Variants in GBE1 observed in about 807,000 individuals in gnomAD.
GBE1 encodes the protein 1,4-alpha-glucan-branching enzyme.
In GBE1, 70 loss-of-function variants were observed where a neutral mutation model predicts 88.8. That is an observed-to-expected ratio of 0.79 (90% CI 0.65 to 0.96). The LOEUF (loss-of-function observed/expected upper bound fraction) is 0.96. Ranked by LOEUF, GBE1 falls within the 40% of genes least tolerant of loss-of-function variation. GBE1 has a pLI of 0.00. For synonymous variants in GBE1, 284 were observed against 300.1 expected, an observed-to-expected ratio of 0.95 and a Z score of 0.56; for missense variants, 872 against 871.0, an observed-to-expected ratio of 1.00 and a Z score of -0.01.
intron 7 of GBE1, among the ~76,000 whole-genome samples, chr3:81,634,514 T>G (rs1704564249): frequency 6.6e-6 from 1 of 152,214 alleles, no homozygotes; most frequent in South Asian, 2.1e-4. Context: ...CTTCACTGTT[T>G]TCAGTACTAA....
chr3:81,526,210 C>A (rs934907470), intron 14 of GBE1, among the ~76,000 whole-genome samples: 16 of 151,948 alleles, frequency 1.1e-4, no homozygotes, highest in Non-Finnish European at 2.2e-4. Flanking sequence ...TGAATGTGTC[C>A]CACAGATTCT....
At chr3:81,662,252 A>C (rs1705042733) in intron 3 of GBE1, among the ~76,000 whole-genome samples, 1 of 152,028 alleles carries the variant, frequency 6.6e-6, no homozygotes, top group African/African-American at 2.4e-5. Context: ...GGCTGATCTC[A>C]AACTCCCCAC....
chr3:81,510,198 G>A (rs1702706452), intron 14 of GBE1, among the ~76,000 whole-genome samples: 1 of 152,000 alleles, frequency 6.6e-6, no homozygotes. Context: ...ATGCTCTTAG[G>A]TATAACAGTT....
At chr3:81,569,755 C>T (rs971085437) in intron 12 of GBE1, among the ~76,000 whole-genome samples, 2 of 152,190 alleles carry the variant, frequency 1.3e-5, no homozygotes, top group African/African-American at 4.8e-5. Context: ...AACTGAAAAA[C>T]TGTTTCAAAC....
Position 81,500,850 on chromosome 3 carries a change from T to C in GBE1, c.1935-1623A>G, listed in dbSNP as rs563674582. ...AAATGCAGATTATATTGTTCCCTTC[T>C]TTGTGTCCATGTTACTCAATGTTTA... On this transcript the variant is annotated intron_variant, in intron 14 of 15. Coordinates refer to ENST00000429644, the MANE Select transcript of GBE1 (RefSeq NM_000158.4). Among the ~76,000 whole-genome samples, 7 of 152,358 alleles carry C rather than the reference T, an allele frequency of 4.6e-5. No individual in the cohort carries two copies. The East Asian group carries it at 1.3e-3, about 29-fold the overall frequency.
At chr3:81,724,068 C>A (rs1481240236) in intron 1 of GBE1, among the ~76,000 whole-genome samples, 1 of 152,106 alleles carries the variant, frequency 6.6e-6, no homozygotes, top group Non-Finnish European at 1.5e-5. Context: ...TAATTGTACC[C>A]CATCAAGAAC....
chr3:81,631,996 C>G (rs1576178037), intron 7 of GBE1, among the ~76,000 whole-genome samples: 1 of 152,076 alleles, frequency 6.6e-6, no homozygotes, highest in East Asian at 1.9e-4. Context: ...GTGTGATGTT[C>G]CCCTCTCTAT....
intron 7 of GBE1, among the ~76,000 whole-genome samples, chr3:81,614,845 A>C (rs149766274): frequency 8.7e-4 from 133 of 152,026 alleles, no homozygotes; most frequent in African/African-American, 3.1e-3. Context: ...TGGGAGACAG[A>C]GTGACATTCC....
intron 14 of GBE1, among the ~76,000 whole-genome samples, chr3:81,501,643 T>C (rs1443488560): frequency 6.7e-6 from 1 of 150,050 alleles, no homozygotes; most frequent in Non-Finnish European, 1.5e-5. Flanking sequence ...TTATTTAAGG[T>C]TGCAAAACTA....
At chr3:81,561,821 C>T (rs115217610) in intron 12 of GBE1, among the ~76,000 whole-genome samples, 1,712 of 152,062 alleles carry the variant, frequency 0.011, 35 homozygotes, top group African/African-American at 0.038. Context: ...TTAGTAAGGC[C>T]CTCATTCTGT....
intron 1 of GBE1, among the ~76,000 whole-genome samples, chr3:81,750,699 T>TA (rs1392613057): frequency 8.1e-6 from 1 of 122,922 alleles, no homozygotes; most frequent in Non-Finnish European, 1.6e-5. Flanking sequence ...ATATATGTAT[T>TA]TTTTTTTTTT....
At chr3:81,598,967 CCA>C (rs554397365) in intron 7 of GBE1, among the ~76,000 whole-genome samples, 34 of 151,992 alleles carry the variant, frequency 2.2e-4, no homozygotes, top group Middle Eastern at 7.2e-3. Context: ...CCACTGAGCT[CCA>C]GTTATCTATA....
chr3:81,539,874 GA>G (rs1205351720), intron 12 of GBE1, among the ~76,000 whole-genome samples: 1 of 151,906 alleles, frequency 6.6e-6, no homozygotes, highest in East Asian at 1.9e-4. Flanking sequence ...AGATTTAGAA[GA>G]ACGATAAAAA....
chr3:81,744,678 T>C (rs1706398354), intron 1 of GBE1, among the ~76,000 whole-genome samples: 2 of 152,176 alleles, frequency 1.3e-5, no homozygotes, highest in Admixed American at 6.6e-5. Flanking sequence ...TTGCAAGCTA[T>C]TTTAGAGGCT....
At chr3:81,726,430 C>T (rs1706112897) in intron 1 of GBE1, among the ~76,000 whole-genome samples, 1 of 152,026 alleles carries the variant, frequency 6.6e-6, no homozygotes, top group East Asian at 1.9e-4. Flanking sequence ...ATCACTGGGA[C>T]TCTCAGTGTA....
intron 12 of GBE1, among the ~76,000 whole-genome samples, chr3:81,567,082 AC>A (rs1703505482): frequency 6.6e-6 from 1 of 152,092 alleles, no homozygotes; most frequent in Non-Finnish European, 1.5e-5. Context: ...TCACTTTTAA[AC>A]CCACTCCATT....
In GBE1 at chr3:81,698,590, T is replaced by A. The variant is rs774785690; in HGVS notation, c.313+6854A>T. Among the ~76,000 whole-genome samples, 83 of 152,348 alleles carry A rather than the reference T, an allele frequency of 5.4e-4. 1 individual carries two copies. The highest frequency in any genetic ancestry group is 3.4e-3 in the Middle Eastern group (1 of 292). Reference sequence around the variant, plus strand: ...AGATTTTCCCAATATTCAATAACTTTCTTTCCTGTCATAGTCATAGATCAT... The same window carrying A: ...AGATTTTCCCAATATTCAATAACTTACTTTCCTGTCATAGTCATAGATCAT... On this transcript the variant is annotated intron_variant, in intron 2 of 15. Transcript: ENST00000429644.
intron 14 of GBE1, among the ~76,000 whole-genome samples, chr3:81,507,150 A>G (rs912987435): frequency 1.3e-5 from 2 of 151,776 alleles, no homozygotes; most frequent in African/African-American, 4.8e-5. Context: ...TTATGATTAT[A>G]TTTCTTTCAA....
At chr3:81,640,691 T>C (rs1704665142) in intron 7 of GBE1, among the ~76,000 whole-genome samples, 1 of 151,856 alleles carries the variant, frequency 6.6e-6, no homozygotes, top group Non-Finnish European at 1.5e-5. Flanking sequence ...AGTATAAACC[T>C]ATATAGAAAA....
Sources: allele counts gnomAD v4.1 joint callset (sites outside exome capture counted in the v4.1 genomes callset), GRCh38; gene constraint gnomAD v4.1.1; transcripts MANE v1.5; gene names NCBI Gene and HGNC (gene_info 2026-07-23, HGNC 2026-07-21).